CRTC3: variants seen among roughly 807,000 people sequenced by gnomAD.
CRTC3 encodes the protein CREB regulated transcription coactivator 3.
CRTC3 carries 26 observed loss-of-function variants against 74.5 expected under a neutral mutation model. The ratio of observed to expected loss-of-function variants is 0.35; its 90% CI spans 0.26 to 0.48. The LOEUF is 0.48. CRTC3 is among the 20% of genes least tolerant of loss of function. The probability of loss-of-function intolerance (pLI) is 0.99; values close to 1 mark genes in which losing one functional copy is unlikely to be tolerated. For missense variants in CRTC3, 760 were observed against 787.3 expected, an observed-to-expected ratio of 0.97 and a Z score of 0.41; for synonymous variants, 377 against 325.8, an observed-to-expected ratio of 1.16 and a Z score of -1.69.
chr15:90,552,533 C>A (rs1008922999), intron 2 of CRTC3, among the ~76,000 whole-genome samples: 8 of 117,808 alleles, frequency 6.8e-5, no homozygotes, highest in African/African-American at 2.2e-4. Context: ...CTTGTGGAAA[C>A]TCTGCTTCCT....
At chr15:90,563,678 C>T (rs1219627987) in intron 2 of CRTC3, among the ~76,000 whole-genome samples, 1 of 152,106 alleles carries the variant, frequency 6.6e-6, no homozygotes, top group Non-Finnish European at 1.5e-5. Flanking sequence ...CAACACTCCC[C>T]CTTTAAGGTT....
At chr15:90,564,334 T>G (rs1231705096) in intron 2 of CRTC3, among the ~76,000 whole-genome samples, 1 of 152,184 alleles carries the variant, frequency 6.6e-6, no homozygotes, top group East Asian at 1.9e-4. Context: ...ATTTCCTGAT[T>G]TCTTTATTTG....
intron 2 of CRTC3, among the ~76,000 whole-genome samples, chr15:90,553,311 A>G (rs1380333014): frequency 6.6e-6 from 1 of 152,216 alleles, no homozygotes; most frequent in Admixed American, 6.5e-5. Context: ...GACTTCCAGC[A>G]GCATGTCCTT....
chr15:90,634,766 C>A, intron 11 of CRTC3: 1 of 1,105,904 alleles, frequency 9.0e-7, no homozygotes, highest in Non-Finnish European at 1.4e-6. Flanking sequence ...CACTCTCTGA[C>A]TGAGTATTGG....
intron 2 of CRTC3, among the ~76,000 whole-genome samples, chr15:90,584,732 C>T (rs1248190404): frequency 6.6e-6 from 1 of 151,904 alleles, no homozygotes; most frequent in African/African-American, 2.4e-5. Context: ...TTAAGGATGC[C>T]GTTAGAGCCA....
At chr15:90,535,161 CAAAAA>C (rs34328900) in intron 1 of CRTC3, among the ~76,000 whole-genome samples, 2 of 128,370 alleles carry the variant, frequency 1.6e-5, no homozygotes, top group Non-Finnish European at 1.6e-5. Context: ...AACTCCGTCT[CAAAAA>C]AAAAAAAAAA....
At position 90,642,732 on chromosome 15, in the gene CRTC3, G is replaced by C. The variant is rs931900659; in HGVS notation, c.*592G>C. 1.3e-5 allele frequency: 3 copies of C among 231,832 alleles called. No individual in the cohort carries two copies. The East Asian group carries it at 1.8e-4, about 14-fold the overall frequency. 14.4% of individuals were successfully genotyped at this position (231,832 alleles called of 1,614,324 possible). A position where few individuals can be genotyped will look rare whatever the true frequency, so the allele number is the denominator to read the frequency against. ...CCCGAGGGCAGGCTTGAGTTAGGCAGACTGAAGGCTAATTTTCATTTTCTC... is the reference window on the plus strand; with the variant it reads ...CCCGAGGGCAGGCTTGAGTTAGGCACACTGAAGGCTAATTTTCATTTTCTC... On this transcript the variant is annotated 3_prime_UTR_variant, in exon 15 of 15. Coordinates refer to ENST00000268184, the MANE Select transcript of CRTC3 (RefSeq NM_022769.5).
At chr15:90,613,255 T>C (rs1192824656) in intron 6 of CRTC3, among the ~76,000 whole-genome samples, 2 of 151,780 alleles carry the variant, frequency 1.3e-5, no homozygotes, top group East Asian at 3.9e-4. Context: ...TCAAAATCTT[T>C]GAGGGTTGGG....
intron 3 of CRTC3, among the ~76,000 whole-genome samples, chr15:90,596,638 G>A (rs931153335): frequency 1.3e-5 from 2 of 152,126 alleles, no homozygotes; most frequent in African/African-American, 4.8e-5. Context: ...TCAAGGGTCC[G>A]TGAAATGGGA....
chr15:90,613,975 T>A (rs1411128820), intron 6 of CRTC3: 1 of 152,474 alleles, frequency 6.6e-6, no homozygotes, highest in African/African-American at 2.4e-5. Flanking sequence ...CTTCTTAAAA[T>A]AACTTCACTG....
rs371881365 is a variant in CRTC3 at position 90,551,394 on chromosome 15, A to G, written c.231+11257A>G. 2.5e-4 allele frequency among the ~76,000 whole-genome samples: 38 copies of G among 152,154 alleles called. No homozygotes were observed. In the South Asian group the frequency reaches 7.7e-3, roughly 31 times the overall value. ...CTGTCCAATATGTTAGTCACTAGTCATTTGTGGCTATTTCCATTAATTAAT... is the reference window on the plus strand; with the variant it reads ...CTGTCCAATATGTTAGTCACTAGTCGTTTGTGGCTATTTCCATTAATTAAT... On this transcript the variant is annotated intron_variant, in intron 2 of 14. Transcript: ENST00000268184.
chr15:90,547,104 T>G (rs981363318), intron 2 of CRTC3, among the ~76,000 whole-genome samples: 2 of 152,240 alleles, frequency 1.3e-5, no homozygotes, highest in African/African-American at 4.8e-5. Flanking sequence ...TTTTATTATA[T>G]TGATATATTT....
At chr15:90,597,234 C>T (rs1368428816) in intron 3 of CRTC3, among the ~76,000 whole-genome samples, 1 of 152,274 alleles carries the variant, frequency 6.6e-6, no homozygotes, top group Non-Finnish European at 1.5e-5. Flanking sequence ...CTGTAGCAGC[C>T]CTTCTTACTC....
At chr15:90,574,682 T>C (rs1228757039) in intron 2 of CRTC3, among the ~76,000 whole-genome samples, 1 of 152,190 alleles carries the variant, frequency 6.6e-6, no homozygotes, top group Non-Finnish European at 1.5e-5. Flanking sequence ...TGAAAGTGCC[T>C]GTTTGCCCAC....
chr15:90,627,164 A>G (rs1307006073), intron 10 of CRTC3, among the ~76,000 whole-genome samples: 2 of 152,228 alleles, frequency 1.3e-5, no homozygotes, highest in African/African-American at 4.8e-5. Context: ...TTTTCTAATG[A>G]TTGCAGTGAT....
intron 9 of CRTC3, among the ~76,000 whole-genome samples, chr15:90,624,083 G>A (rs1968743896): frequency 6.6e-6 from 1 of 152,104 alleles, no homozygotes; most frequent in Non-Finnish European, 1.5e-5. Context: ...TGCCGGTTAT[G>A]CTCCTTATGG....
rs184158430 is a variant in CRTC3, at chr15:90,622,933, G to A, written c.750-2843G>A. On this transcript the variant is annotated intron_variant, in intron 9 of 14. Coordinates refer to ENST00000268184, the MANE Select transcript of CRTC3 (RefSeq NM_022769.5). ...AAATGAGCCTTCTTCCTCACCCTCC[G>A]GTTGGACACCTCTCCTGCTGCCTCA... Among the ~76,000 whole-genome samples the A allele has an allele frequency of 4.1e-4, 63 of 152,224 alleles. No individual in the cohort carries two copies. In the South Asian group the frequency reaches 7.9e-3, roughly 19 times the overall value.
At position 90,642,154 on chromosome 15, in the gene CRTC3, G is replaced by T. The variant is rs757159997; in HGVS notation, c.*14G>T. 9.9e-6 allele frequency: 16 copies of T among 1,610,164 alleles called. No individual in the cohort carries two copies. The Admixed American group carries it at 2.3e-4, about 23-fold the overall frequency. On this transcript the variant is annotated 3_prime_UTR_variant, in exon 15 of 15. Coordinates refer to ENST00000268184, the MANE Select transcript of CRTC3 (RefSeq NM_022769.5). ...GACAGACTGTGAACAGAAGGCAGTGGAACAGAAGAATGTTTTTCTGCAACA... is the reference window on the plus strand; with the variant it reads ...GACAGACTGTGAACAGAAGGCAGTGTAACAGAAGAATGTTTTTCTGCAACA...
Position 90,629,415 on chromosome 15 carries a change from T to G in CRTC3, c.1149T>G (p.Ser383=). 1 of 1,614,118 alleles carries G rather than the reference T, an allele frequency of 6.2e-7. No homozygotes were observed. Among genetic ancestry groups the G allele is most frequent in the Non-Finnish European group, 8.5e-7 (1 of 1,180,020 alleles). ...SLSTTNLSGP[S]RRRQPPVSPL... ...CCACCACAAACCTGAGCGGCCCGTC[T>G]CGGCGTCGGCAGCCTCCCGTCAGCC... The change falls in exon 11 of 15, where the codon TCT becomes TCG. Residue 383 remains serine (S), a synonymous_variant. Transcript: ENST00000268184.
Sources: allele counts gnomAD v4.1 joint callset (sites outside exome capture counted in the v4.1 genomes callset), GRCh38; gene constraint gnomAD v4.1.1; transcripts MANE v1.5; gene names NCBI Gene and HGNC (gene_info 2026-07-23, HGNC 2026-07-21).